Variants in ADGRL2 observed in about 807,000 individuals in gnomAD.
ADGRL2 encodes the protein adhesion G protein-coupled receptor L2.
ADGRL2 carries 44 observed loss-of-function variants against 157.4 expected under a neutral mutation model. The observed-to-expected ratio is 0.28, with a 90% CI of 0.22 to 0.36. The LOEUF is 0.36. Among genes scored for constraint, ADGRL2 ranks in the 10% least tolerant of loss-of-function variants. The pLI is 1.00. For synonymous variants in ADGRL2, 585 were observed against 624.7 expected (o/e 0.94, Z 0.95); for missense variants, 1,510 against 1,768.9 (o/e 0.85, Z 2.63).
At chr1:81,837,297 AAAT>A (rs1557742597) in intron 2 of ADGRL2, among the ~76,000 whole-genome samples, 1 of 152,054 alleles carries the variant, frequency 6.6e-6, no homozygotes, top group East Asian at 1.9e-4. Flanking sequence ...TAACCATTCT[AAAT>A]AATCCCGAGG....
At position 81,706,969 on chromosome 1, in the gene ADGRL2, G is replaced by T. The variant is rs79695671; in HGVS notation, c.-143+7161G>T. On this transcript the variant is annotated intron_variant, in intron 1 of 20. Coordinates refer to the ADGRL2 transcript ENST00000359929. ...ATTTTAATATTGAAACAAAAGCAAA[G>T]CATTAAGCTTTCTAGGGGTTTAGCC... Among the ~76,000 whole-genome samples, 26 of 152,204 alleles carry T rather than the reference G, an allele frequency of 1.7e-4. 1 individual carries two copies. Among genetic ancestry groups the T allele is most frequent in the Admixed American group, 4.6e-4 (7 of 15,274 alleles).
chr1:81,937,151 A>AC (rs2095322681), intron 4 of ADGRL2, among the ~76,000 whole-genome samples: 2 of 151,906 alleles, frequency 1.3e-5, no homozygotes, highest in Non-Finnish European at 2.9e-5. Context: ...GTTGCTGACA[A>AC]ATTGGTTTGG....
chr1:81,345,257 T>C (rs1310648524), intron 1 of ADGRL2, among the ~76,000 whole-genome samples: 1 of 152,140 alleles, frequency 6.6e-6, no homozygotes, highest in Non-Finnish European at 1.5e-5. Flanking sequence ...TATTAATAGA[T>C]GCAAGTCACT....
rs914688386 is a variant in ADGRL2 at position 81,575,267 on chromosome 1, A to G, written c.-247-5609A>G. ...GTCACGAACTTGTCTGATGAAGTAC[A>G]GATGAATGTAAAATATTCTTCTAAG... On this transcript the variant is annotated intron_variant, in intron 2 of 24. Coordinates refer to the ADGRL2 transcript ENST00000370721. Among the ~76,000 whole-genome samples the G allele has an allele frequency of 2.6e-5, 4 of 152,308 alleles. No individual in the cohort carries two copies. In the East Asian group the frequency reaches 7.7e-4, roughly 29 times the overall value.
intron 2 of ADGRL2, among the ~76,000 whole-genome samples, chr1:81,899,327 A>G (rs780079142): frequency 1.3e-5 from 2 of 152,168 alleles, no homozygotes; most frequent in East Asian, 1.9e-4. Context: ...TAGAATTTCA[A>G]TTCTGGTCTT....
intron 1 of ADGRL2, among the ~76,000 whole-genome samples, chr1:81,814,158 T>C (rs1166573226): frequency 6.6e-6 from 1 of 151,756 alleles, no homozygotes; most frequent in African/African-American, 2.4e-5. Context: ...ATGATCTTGG[T>C]AAATTATCAA....
At chr1:81,654,208 C>T (rs570674118) in intron 3 of ADGRL2, among the ~76,000 whole-genome samples, 3 of 152,212 alleles carry the variant, frequency 2.0e-5, no homozygotes, top group East Asian at 3.9e-4. Context: ...GGCCTCCCAA[C>T]GTGTTAGAAT....
At chr1:81,727,773 C>T (rs1053648276) in intron 1 of ADGRL2, among the ~76,000 whole-genome samples, 9 of 151,486 alleles carry the variant, frequency 5.9e-5, no homozygotes, top group South Asian at 4.2e-4. Flanking sequence ...TTAAAAACAT[C>T]GTGTTTAATG....
At chr1:81,719,478 A>G (rs1026075169) in intron 1 of ADGRL2, among the ~76,000 whole-genome samples, 7 of 152,130 alleles carry the variant, frequency 4.6e-5, no homozygotes, top group African/African-American at 1.7e-4. Context: ...TTACAATCCC[A>G]AGTAATTTCT....
At chr1:81,382,286 T>G (rs2076357042) in intron 1 of ADGRL2, among the ~76,000 whole-genome samples, 1 of 152,176 alleles carries the variant, frequency 6.6e-6, no homozygotes, top group Non-Finnish European at 1.5e-5. Context: ...TGATTAAAAT[T>G]TAAAAATCAC....
At chr1:81,445,898 C>T (rs2077588730) in intron 2 of ADGRL2, among the ~76,000 whole-genome samples, 2 of 152,118 alleles carry the variant, frequency 1.3e-5, no homozygotes, top group Admixed American at 1.3e-4. Context: ...TTGCCTGGCA[C>T]CTAGTAAGCA....
chr1:81,449,003 AG>A (rs1355363233), intron 2 of ADGRL2, among the ~76,000 whole-genome samples: 2 of 152,214 alleles, frequency 1.3e-5, no homozygotes, highest in Non-Finnish European at 2.9e-5. Context: ...TACCAGAAAA[AG>A]TATACATATA....
At chr1:81,746,963 TACACACGTATAC>T (rs1557615500) in intron 1 of ADGRL2, among the ~76,000 whole-genome samples, 1 of 120,364 alleles carries the variant, frequency 8.3e-6, no homozygotes, top group East Asian at 2.3e-4. Context: ...TATACGTATA[TACACACGTATAC>T]ACACGTGTGT....
intron 16 of ADGRL2, among the ~76,000 whole-genome samples, chr1:81,971,030 C>T (rs778928866): frequency 3.3e-5 from 5 of 152,002 alleles, no homozygotes; most frequent in Admixed American, 6.6e-5. Flanking sequence ...CACTGTCTTT[C>T]GTTCATAAAA....
At chr1:81,956,516 A>G (rs3828121) in intron 11 of ADGRL2, among the ~76,000 whole-genome samples, 22,218 of 152,126 alleles carry the variant, frequency 0.15, 2,725 homozygotes, top group East Asian at 0.63. Context: ...TCAGGTGAAA[A>G]TGTGGTCAGT....
intron 3 of ADGRL2, among the ~76,000 whole-genome samples, chr1:81,690,640 T>C (rs1397299361): frequency 6.6e-6 from 1 of 152,230 alleles, no homozygotes; most frequent in African/African-American, 2.4e-5. Flanking sequence ...GGGCTCAGTG[T>C]TTTAATATTC....
rs143517238 is a variant in ADGRL2, at chr1:81,528,617, G to A, written c.-247-52259G>A. ...AGCCAAGATAGTGCCACTGCAGTCCGGCCTGGGCAAAAAAGTGAGACTCCA... is the reference window on the plus strand; with the variant it reads ...AGCCAAGATAGTGCCACTGCAGTCCAGCCTGGGCAAAAAAGTGAGACTCCA... On this transcript the variant is annotated intron_variant, in intron 2 of 24. Coordinates refer to the ADGRL2 transcript ENST00000370721. Among the ~76,000 whole-genome samples, 41 of 138,810 alleles carry A rather than the reference G, an allele frequency of 3.0e-4. 1 individual carries two copies. The East Asian group carries it at 8.3e-3, about 28-fold the overall frequency. The allele number at this position is 138,810 out of a possible 152,430, so 91.1% of individuals were successfully genotyped here. A position where few individuals can be genotyped will look rare whatever the true frequency, so the allele number is the denominator to read the frequency against.
chr1:81,439,661 G>A (rs2077471777), intron 1 of ADGRL2, among the ~76,000 whole-genome samples: 1 of 152,238 alleles, frequency 6.6e-6, no homozygotes, highest in Admixed American at 6.5e-5. Flanking sequence ...CCCATGTGAG[G>A]GTGCCCACAA....
At chr1:81,781,645 C>T (rs930797885) in intron 2 of ADGRL2, among the ~76,000 whole-genome samples, 19 of 152,140 alleles carry the variant, frequency 1.2e-4, no homozygotes, top group Admixed American at 5.9e-4. Flanking sequence ...TACACACCTG[C>T]GATTTCCCAG....
Sources: allele counts gnomAD v4.1 joint callset (sites outside exome capture counted in the v4.1 genomes callset), GRCh38; gene constraint gnomAD v4.1.1; transcripts MANE v1.5; gene names NCBI Gene and HGNC (gene_info 2026-07-23, HGNC 2026-07-21).